Variants in ITGA10 observed in about 807,000 individuals in gnomAD.
ITGA10 encodes integrin alpha-10.
In ITGA10, 105 loss-of-function variants were observed where a neutral mutation model predicts 145.2. The observed-to-expected ratio is 0.72, with a 90% CI of 0.62 to 0.85. The LOEUF is 0.85. Ranked by LOEUF, ITGA10 falls within the 40% of genes least tolerant of loss-of-function variation. The probability of loss-of-function intolerance (pLI) is 0.00; values close to 1 mark genes in which losing one functional copy is unlikely to be tolerated. For synonymous variants in ITGA10, 506 were observed against 557.8 expected, an observed-to-expected ratio of 0.91 and a Z score of 1.31; for missense variants, 1,317 against 1,444.5, an observed-to-expected ratio of 0.91 and a Z score of 1.43.
chr1:145,906,182 G>T (rs1002663329), intron 5 of ITGA10: 1 of 479,644 alleles, frequency 2.1e-6, no homozygotes. Context: ...GCCCACCTTG[G>T]CCTCCCAAAG....
In ITGA10 at chr1:145,895,643, G is replaced by A; in HGVS notation, c.3102C>T (p.His1034=). The change falls in exon 26 of 30, where the codon CAC becomes CAT. Residue 1034 remains histidine, a synonymous_variant. Transcript: ENST00000369304. ...TTGTGACTCATACCAGTCTGTTTGT[G>A]TGTTGAAGCTCCTCTGGATGCACAG... is the stretch of plus-strand genomic sequence containing the variant. The part of the protein sequence containing the change: ...GPPVHPEELQ[H]TNRLNGSNTQ... 1 of 1,614,196 alleles carries A rather than the reference G, an allele frequency of 6.2e-7. No individual in the cohort carries two copies. Among genetic ancestry groups the A allele is most frequent in the Non-Finnish European group, 8.5e-7 (1 of 1,180,022 alleles).
In ITGA10 at chr1:145,909,958, C is replaced by T; in HGVS notation, c.52+5G>A. 1 of 1,612,578 alleles carries T rather than the reference C, an allele frequency of 6.2e-7. No individual in the cohort carries two copies. The highest frequency in any genetic ancestry group is 8.5e-7 in the Non-Finnish European group (1 of 1,178,894). ...ACCAGAAACCAAGAAGTTAACTTCC[C>T]TCACCTGTCAGGAACACCAGGGGCA... On this transcript the variant is annotated splice_donor_5th_base_variant and intron_variant, in intron 1 of 29. Coordinates refer to ENST00000369304, the MANE Select transcript of ITGA10 (RefSeq NM_003637.5).
At position 145,896,042 on chromosome 1, in the gene ITGA10, G is replaced by C; in HGVS notation, c.2974C>G (p.Pro992Ala). ...TAATTGCCCCCATGGGCCACAGCTG[G>C]AAGGAGGGCTGAGATGATGAGGCCA... Reference protein sequence around the residue: ...VSGLIISALLPAVAHGGNYFL... With the variant: ...VSGLIISALLAAVAHGGNYFL... The change falls in exon 25 of 30, where the codon CCA (proline) becomes GCA (alanine). Residue 992 changes from proline to alanine, a missense_variant. Coordinates refer to ENST00000369304, the MANE Select transcript of ITGA10 (RefSeq NM_003637.5). 1 of 1,614,160 alleles carries C rather than the reference G, an allele frequency of 6.2e-7. No individual in the cohort carries two copies.
Position 145,901,110 on chromosome 1 carries a change from G to A in ITGA10, c.1587+25C>T, listed in dbSNP as rs1553748116. On this transcript the variant is annotated intron_variant, in intron 13 of 29. Coordinates refer to ENST00000369304, the MANE Select transcript of ITGA10 (RefSeq NM_003637.5). This position sits in a 1 kb window ranked among gnomAD's most constrained non-coding sequence, Gnocchi z 4.3. ...CTCCACCCCCACAATGCAAGTCCAGGGCAGGGGGTCCCAGCAAGTCTCACC... is the reference window on the plus strand; with the variant it reads ...CTCCACCCCCACAATGCAAGTCCAGAGCAGGGGGTCCCAGCAAGTCTCACC... The A allele has an allele frequency of 1.2e-6, 2 of 1,613,520 alleles. No individual in the cohort carries two copies. Among genetic ancestry groups the A allele is most frequent in the Non-Finnish European group, 1.7e-6 (2 of 1,179,770 alleles).
At chr1:145,904,554 T>A in intron 6 of ITGA10, 130 bp downstream of exon 6, 1 of 988,574 alleles carries the variant, frequency 1.0e-6, no homozygotes, top group Non-Finnish European at 1.5e-6. Context: ...TCTTTCATAT[T>A]TTTAGAGATG....
At chr1:145,907,607 C>T in intron 1 of ITGA10, 142 bp from the exon 2 acceptor site, 1 of 1,466,030 alleles carries the variant, frequency 6.8e-7, no homozygotes, top group Non-Finnish European at 9.0e-7. Flanking sequence ...CTCTCAGTGT[C>T]ATGTACTCAG....
In ITGA10 at chr1:145,904,047, C is replaced by T; in HGVS notation, c.758+5G>A. The T allele has an allele frequency of 6.2e-7, 1 of 1,613,834 alleles. No homozygotes were observed. Among genetic ancestry groups the T allele is most frequent in the Non-Finnish European group, 8.5e-7 (1 of 1,179,936 alleles). ...CCTCCCACACCTGTCTTCCCAATGCCTCACCAGGCCACCATTATTGCTTGG... is the reference window on the plus strand; with the variant it reads ...CCTCCCACACCTGTCTTCCCAATGCTTCACCAGGCCACCATTATTGCTTGG... On this transcript the variant is annotated splice_donor_5th_base_variant and intron_variant, in intron 7 of 29. Transcript: ENST00000369304.
At position 145,897,818 on chromosome 1, in the gene ITGA10, G is replaced by A. The variant is rs781982572; in HGVS notation, c.2429C>T (p.Ser810Phe). 6.2e-7 allele frequency: 1 copy of A among 1,613,796 alleles called. No homozygotes were observed. The highest frequency in any genetic ancestry group is 1.3e-5 in the African/African-American group (1 of 74,860). ...GCCTAGTACATGTCCATCCAACCTGGAGCCTCTGATGTCCATATTCACTTG... is the reference window on the plus strand; with the variant it reads ...GCCTAGTACATGTCCATCCAACCTGAAGCCTCTGATGTCCATATTCACTTG... ...VLQVNMDIRG[S>F]RKAPFVVRGG... is the part of the protein sequence containing the mutation. The change falls in exon 19 of 30, where the codon TCC becomes TTC. Residue 810 changes from serine (S) to phenylalanine (F), a missense_variant. Coordinates refer to ENST00000369304, the MANE Select transcript of ITGA10 (RefSeq NM_003637.5).
chr1:145,898,303 G>C (rs1655732824), intron 17 of ITGA10, 80 bp from the exon 18 acceptor site: 2 of 842,728 alleles, frequency 2.4e-6, no homozygotes, highest in Admixed American at 1.8e-5. Context: ...AGCATTTTCT[G>C]TGTGCTGGGC....
intron 2 of ITGA10, 95 bp downstream of exon 2, chr1:145,907,259 A>G (rs1370647162): frequency 1.2e-6 from 2 of 1,602,344 alleles, no homozygotes; most frequent in East Asian, 2.2e-5. Context: ...GCCACTTTCA[A>G]AAGACCAGAT....
chr1:145,896,955 T>C, intron 22 of ITGA10, 56 bp downstream of exon 22: 4 of 1,555,536 alleles, frequency 2.6e-6, no homozygotes, highest in Non-Finnish European at 3.6e-6. Context: ...TCCCCACCCC[T>C]CCAGTCAAGA....
chr1:145,900,003 G>T, intron 15 of ITGA10, 54 bp downstream of exon 15: 3 of 1,533,312 alleles, frequency 2.0e-6, no homozygotes, highest in South Asian at 2.5e-5. Context: ...TAAGGCCCTT[G>T]CCTTTAACAG....
chr1:145,902,931 G>A lies in ITGA10; in HGVS notation c.789C>T (p.Gly263=). The change falls in exon 8 of 30, where the codon GGC becomes GGT. Residue 263 remains glycine, a synonymous_variant. Transcript: ENST00000369304. ...CCAGTAGCCTGGCAGCCTCGGGTCG[G>A]CCCCCATGGGACTGACTGAACCCTT... The part of the protein sequence containing the change: ...CTEGFSQSHG[G]RPEAARLLVV... The A allele has an allele frequency of 6.2e-7, 1 of 1,611,236 alleles. No individual in the cohort carries two copies. The highest frequency in any genetic ancestry group is 8.5e-7 in the Non-Finnish European group (1 of 1,178,560).
Position 145,907,082 on chromosome 1 carries a change from A to C in ITGA10, c.233T>G (p.Val78Gly). 6.4e-7 allele frequency: 1 copy of C among 1,563,850 alleles called. No homozygotes were observed. Among genetic ancestry groups the C allele is most frequent in the Non-Finnish European group, 8.7e-7 (1 of 1,153,650 alleles). ...DRRGDVYRCP[V>G]GGAHNAPCAK... ...ACATGGGGCATTGTGGGCCCCCCCT[A>C]CAGGGCAGCGATAAACGTCCCCCCT... The change falls in exon 3 of 30, where the codon GTA (valine) becomes GGA (glycine). Residue 78 changes from valine (V) to glycine (G), a missense_variant. Transcript: ENST00000369304.
intron 8 of ITGA10, 55 bp downstream of exon 8, chr1:145,902,756 A>G (rs2101806370): frequency 6.4e-7 from 1 of 1,569,950 alleles, no homozygotes; most frequent in Admixed American, 1.8e-5. Context: ...ACAGTTCACA[A>G]GACACTGCCC....
Position 145,898,094 on chromosome 1 carries a change from G to A in ITGA10, c.2346+16C>T, listed in dbSNP as rs782484092. 3.8e-6 allele frequency: 6 copies of A among 1,563,522 alleles called. No individual in the cohort carries two copies. In the Admixed American group the frequency reaches 1.0e-4, roughly 26 times the overall value. Reference sequence around the variant, plus strand: ...GGCAGTGTTGGGAGCAAGGGGCAGGGCATGGCACTGCTGACCAGCTTTTGT... The same window carrying A: ...GGCAGTGTTGGGAGCAAGGGGCAGGACATGGCACTGCTGACCAGCTTTTGT... On this transcript the variant is annotated intron_variant, in intron 18 of 29. Transcript: ENST00000369304.
intron 5 of ITGA10, among the ~76,000 whole-genome samples, chr1:145,905,084 A>G (rs915136554): frequency 6.6e-6 from 1 of 152,042 alleles, no homozygotes; most frequent in African/African-American, 2.4e-5. Context: ...ACATTTATAT[A>G]CATAGATATA....
At position 145,897,048 on chromosome 1, in the gene ITGA10, G is replaced by A. The variant is rs782343019; in HGVS notation, c.2707C>T (p.Leu903Phe). 1.1e-5 allele frequency: 18 copies of A among 1,614,136 alleles called. No homozygotes were observed. In the South Asian group the frequency reaches 1.6e-4, roughly 15 times the overall value. Reference sequence around the variant, plus strand: ...AGCTTCACGAAGACCTGGCTCAGGAGAGAGGAGCAGCTAAACTCAAACTCT... The same window carrying A: ...AGCTTCACGAAGACCTGGCTCAGGAAAGAGGAGCAGCTAAACTCAAACTCT... ...LLEFEFSCSS[L>F]LSQVFVKLTA... Residue 903 changes from leucine to phenylalanine, a missense_variant, in exon 22 of 30, where the codon CTC becomes TTC. Coordinates refer to ENST00000369304, the MANE Select transcript of ITGA10 (RefSeq NM_003637.5).
In ITGA10 at chr1:145,901,269, A is replaced by G. The variant is rs782030910; in HGVS notation, c.1453T>C (p.Tyr485His). The part of the protein sequence containing the change: ...QSLQGEQIGS[Y>H]FGSELCPLDT... ...AATGGGCAGAGCTCACTGCCAAAGT[A>G]TGAACCAATCTGGGGAATGGTGGGT... is the stretch of plus-strand genomic sequence containing the variant. The change falls in exon 13 of 30, where the codon TAC becomes CAC. Residue 485 changes from tyrosine to histidine, a missense_variant. Transcript: ENST00000369304. The surrounding 1 kb of genome is among the most constrained non-coding windows in gnomAD (Gnocchi z 4.3). 6 of 1,614,156 alleles carry G rather than the reference A, an allele frequency of 3.7e-6. No individual in the cohort carries two copies. The highest frequency in any genetic ancestry group is 1.7e-5 in the Admixed American group (1 of 60,022).
Sources: allele counts gnomAD v4.1 joint callset (sites outside exome capture counted in the v4.1 genomes callset), GRCh38; gene constraint gnomAD v4.1.1; non-coding constraint Gnocchi (gnomAD v3.1); transcripts MANE v1.5; gene names NCBI Gene and HGNC (gene_info 2026-07-23, HGNC 2026-07-21).